The following SHC4 variants were observed in gnomAD, a reference collection of about 807,000 sequenced individuals.
SHC4 encodes SHC-transforming protein 4.
SHC4 carries 41 observed loss-of-function variants against 69.4 expected under a neutral mutation model. That is an observed-to-expected ratio of 0.59 (90% confidence interval 0.46 to 0.77). SHC4 has a LOEUF of 0.77. Ranked by LOEUF, SHC4 falls within the 30% of genes least tolerant of loss-of-function variation. The probability of loss-of-function intolerance (pLI) is 0.00; values close to 1 mark genes in which losing one functional copy is unlikely to be tolerated. For synonymous variants in SHC4, 318 were observed against 299.3 expected (o/e 1.06, Z -0.64); for missense variants, 777 against 783.8 (o/e 0.99, Z 0.10).
intron 4 of SHC4, chr15:48,876,558 G>A: frequency 1.5e-6 from 1 of 678,354 alleles, no homozygotes; most frequent in South Asian, 1.6e-5. Flanking sequence ...ATGATCACAA[G>A]GTCCTACAAT....
chr15:48,878,958 C>A (rs969949788), intron 4 of SHC4: 16 of 473,890 alleles, frequency 3.4e-5, no homozygotes, highest in Non-Finnish European at 3.9e-6. Context: ...CCGTTGAAAT[C>A]AATTATCAAG....
chr15:48,874,151 G>C (rs1899748683), intron 4 of SHC4, among the ~76,000 whole-genome samples: 1 of 152,254 alleles, frequency 6.6e-6, no homozygotes, highest in East Asian at 1.9e-4. Flanking sequence ...TGCACAAGAA[G>C]AGTTAGCGCA....
At chr15:48,854,278 T>C (rs1899269964) in intron 8 of SHC4, among the ~76,000 whole-genome samples, 1 of 149,758 alleles carries the variant, frequency 6.7e-6, no homozygotes, top group South Asian at 2.1e-4. Context: ...ATATCACATA[T>C]CATATCAGAA....
intron 8 of SHC4, 60 bp from the exon 9 acceptor site, chr15:48,851,308 A>G: frequency 2.0e-6 from 3 of 1,528,208 alleles, no homozygotes; most frequent in South Asian, 1.1e-5. Flanking sequence ...TAAACTTAAA[A>G]GAAAAAATTT....
chr15:48,920,532 C>T (rs974810621), intron 2 of SHC4, among the ~76,000 whole-genome samples: 5 of 152,110 alleles, frequency 3.3e-5, no homozygotes, highest in African/African-American at 7.2e-5. Context: ...GCCTCAGCCT[C>T]CCAAAATGCT....
At chr15:48,896,753 G>T (rs916441483) in intron 2 of SHC4, among the ~76,000 whole-genome samples, 3 of 152,158 alleles carry the variant, frequency 2.0e-5, no homozygotes, top group African/African-American at 7.2e-5. Context: ...CTCAAATTCT[G>T]CTGGCCTTGC....
rs1251002755 is a variant in SHC4 at position 48,856,122 on chromosome 15, T to C, written c.1073A>G (p.Glu358Gly). Residue 358 changes from glutamate (E) to glycine (G), a missense_variant and splice_region_variant, in exon 8 of 12, where the codon GAG becomes GGG. Glu to Gly is a moderately conservative substitution (Grantham distance 98). Coordinates refer to ENST00000332408, the MANE Select transcript of SHC4 (RefSeq NM_203349.4). The part of the protein sequence containing the change: ...NPSLNTSCES[E>G]EVHIDSHAEE... ...GGCATGGCTATCAATATGCACCTCC[T>C]CACTGTGAAGGAAAAAAGAATCCTC... The C allele has an allele frequency of 1.2e-6, 2 of 1,609,944 alleles. No individual in the cohort carries two copies. Among genetic ancestry groups the C allele is most frequent in the Non-Finnish European group, 1.7e-6 (2 of 1,178,162 alleles).
intron 1 of SHC4, among the ~76,000 whole-genome samples, chr15:48,941,814 G>C (rs747298397): frequency 3.9e-5 from 6 of 152,108 alleles, no homozygotes; most frequent in Non-Finnish European, 7.4e-5. Flanking sequence ...GGGTAGTGGT[G>C]AAGTCTGGGC....
At chr15:48,946,679 C>T in intron 1 of SHC4, 1 of 780,840 alleles carries the variant, frequency 1.3e-6, no homozygotes, top group Non-Finnish European at 1.6e-6. Context: ...ATCTTTCTTG[C>T]TCTCTGGGCA....
chr15:48,899,664 T>A (rs966375846), intron 2 of SHC4, among the ~76,000 whole-genome samples: 1 of 152,184 alleles, frequency 6.6e-6, no homozygotes, highest in African/African-American at 2.4e-5. Context: ...TCCATTTTTT[T>A]AAATGTGTGT....
rs1901561063 is a variant in SHC4 at position 48,962,539 on chromosome 15, G to A, written c.477C>T (p.Thr159=). ...DLVGHRATAL[T]PDSCPLPGPG... is the part of the protein sequence containing the mutation. ...GGCCAGGAAGCGGGCACGAATCAGG[G>A]GTTAGGGCGGTTGCCCTGTGTCCCA... The change falls in exon 1 of 12, where the codon ACC becomes ACT. Residue 159 remains threonine (T), a synonymous_variant. Coordinates refer to ENST00000332408, the MANE Select transcript of SHC4 (RefSeq NM_203349.4). 6.2e-7 allele frequency: 1 copy of A among 1,605,396 alleles called. No homozygotes were observed. Among genetic ancestry groups the A allele is most frequent in the Non-Finnish European group, 8.5e-7 (1 of 1,175,214 alleles).
chr15:48,941,352 G>A (rs1270205951), intron 1 of SHC4, among the ~76,000 whole-genome samples: 1 of 152,204 alleles, frequency 6.6e-6, no homozygotes, highest in Non-Finnish European at 1.5e-5. Context: ...CAGTGGAGTA[G>A]TCAACGTAGA....
In SHC4 at chr15:48,824,551, G is replaced by T. The variant is rs926189036; in HGVS notation, c.*1420C>A. ...TCAGTATTTTAGACTGAATGGTTTG[G>T]AGTCTAAACTATGTGAATGTTGATC... On this transcript the variant is annotated 3_prime_UTR_variant, in exon 12 of 12. Coordinates refer to ENST00000332408, the MANE Select transcript of SHC4 (RefSeq NM_203349.4). 6.6e-6 allele frequency: 1 copy of T among 152,100 alleles called. No individual in the cohort carries two copies. Among genetic ancestry groups the T allele is most frequent in the Non-Finnish European group, 1.5e-5 (1 of 68,020 alleles). 9.4% of individuals were successfully genotyped at this position (152,100 alleles called of 1,614,324 possible).
intron 4 of SHC4, chr15:48,877,543 T>C: frequency 1.0e-6 from 1 of 981,966 alleles, no homozygotes. Flanking sequence ...TAAATGCAAA[T>C]AAAAAGAATT....
Position 48,885,937 on chromosome 15 carries a change from G to T in SHC4, c.721-1570C>A, listed in dbSNP as rs117865976. On this transcript the variant is annotated intron_variant, in intron 3 of 11. Transcript: ENST00000332408. ...AGCAAGCTGCTCATTTGCTTCTCTA[G>T]AGTTTCTTTTCCATGCTAGTTTAAA... Among the ~76,000 whole-genome samples the T allele has an allele frequency of 9.3e-3, 1,417 of 152,302 alleles. 30 individuals carry two copies. The highest frequency in any genetic ancestry group is 0.068 in the East Asian group (350 of 5,182).
At chr15:48,955,670 T>C (rs1901440927) in intron 1 of SHC4, among the ~76,000 whole-genome samples, 1 of 152,228 alleles carries the variant, frequency 6.6e-6, no homozygotes, top group South Asian at 2.1e-4. Context: ...CTATGCTCCC[T>C]CTTTTCTTCT....
rs1567056993 is a variant in SHC4, at chr15:48,867,838, T to C, written c.926A>G (p.Lys309Arg). 9 of 1,613,672 alleles carry C rather than the reference T, an allele frequency of 5.6e-6. No individual in the cohort carries two copies. The highest frequency in any genetic ancestry group is 7.6e-6 in the Non-Finnish European group (9 of 1,179,754). ...CATACCTCGTTGATTAACTGGATCT[T>C]TAGCTACGTAGGCAACATAGTCTGT... is the stretch of plus-strand genomic sequence containing the variant. The part of the protein sequence containing the change: ...DTTDYVAYVA[K>R]DPVNQRACHI... Residue 309 changes from lysine to arginine, a missense_variant, in exon 6 of 12, where the codon AAA becomes AGA. Physicochemically the swap from Lys to Arg is conservative, Grantham distance 26 (BLOSUM62 2). Transcript: ENST00000332408.
intron 5 of SHC4, among the ~76,000 whole-genome samples, chr15:48,871,485 G>C (rs917914181): frequency 1.3e-5 from 2 of 152,186 alleles, no homozygotes; most frequent in Non-Finnish European, 2.9e-5. Flanking sequence ...GTGCAGTAGG[G>C]AGTCAAGGAA....
intron 1 of SHC4, among the ~76,000 whole-genome samples, chr15:48,961,009 G>T (rs887571520): frequency 3.9e-5 from 6 of 152,048 alleles, no homozygotes; most frequent in African/African-American, 1.2e-4. Flanking sequence ...ATTATGATTT[G>T]AAATGATCTG....
Sources: gnomAD v4.1 joint callset for allele counts (sites outside exome capture counted in the v4.1 genomes callset) on GRCh38, gnomAD v4.1.1 for gene constraint, MANE v1.5 for transcripts, NCBI Gene and HGNC (gene_info 2026-07-23, HGNC 2026-07-21) for gene names.